The following PHF20 variants were observed in gnomAD, a reference collection of about 807,000 sequenced individuals.
PHF20 encodes the protein PHD finger protein 20, also known as glioma-expressed antigen 2.
A neutral mutation model predicts 113.5 loss-of-function variants in PHF20; 23 were observed. The ratio of observed to expected loss-of-function variants is 0.20; its 90% CI spans 0.15 to 0.29. The LOEUF is 0.29. Ranked by LOEUF, PHF20 falls within the 10% of genes least tolerant of loss-of-function variation. The pLI is 1.00. For missense variants in PHF20, 943 were observed against 1,219.6 expected, an observed-to-expected ratio of 0.77 and a Z score of 3.38; for synonymous variants, 434 against 457.3, an observed-to-expected ratio of 0.95 and a Z score of 0.65.
intron 6 of PHF20, among the ~76,000 whole-genome samples, chr20:35,866,321 T>G (rs1449828904): frequency 1.3e-5 from 2 of 152,234 alleles, no homozygotes; most frequent in African/African-American, 4.8e-5. Flanking sequence ...AACTGAGTTT[T>G]GGGAGAGAAG....
chr20:35,830,129 G>A (rs982004835), intron 2 of PHF20, among the ~76,000 whole-genome samples: 1 of 151,738 alleles, frequency 6.6e-6, no homozygotes, highest in Non-Finnish European at 1.5e-5. Flanking sequence ...GCCCAGGCTG[G>A]TCTCAAACTC....
intron 4 of PHF20, chr20:35,850,811 GT>G: frequency 1.0e-6 from 1 of 1,004,000 alleles, no homozygotes; most frequent in Non-Finnish European, 1.5e-6. Context: ...TACCATATTT[GT>G]TATGAAAATC....
At chr20:35,926,959 G>A (rs758253409) in intron 13 of PHF20, among the ~76,000 whole-genome samples, 7 of 152,128 alleles carry the variant, frequency 4.6e-5, no homozygotes, top group African/African-American at 1.4e-4. Flanking sequence ...TCGGGAGTTC[G>A]CCTTTCCTTT....
chr20:35,933,487 C>G (rs530685065), intron 15 of PHF20, among the ~76,000 whole-genome samples: 1 of 152,078 alleles, frequency 6.6e-6, no homozygotes, highest in African/African-American at 2.4e-5. Flanking sequence ...AGCTCTGCCT[C>G]CTGGGTTCAC....
chr20:35,832,653 G>A (rs747940256), intron 2 of PHF20, among the ~76,000 whole-genome samples: 1 of 152,162 alleles, frequency 6.6e-6, no homozygotes, highest in Non-Finnish European at 1.5e-5. Context: ...AGCATACTCG[G>A]TATGGGAAGG....
At position 35,939,041 on chromosome 20, in the gene PHF20, G is replaced by T. The variant is rs1350521745; in HGVS notation, c.2645G>T (p.Arg882Leu). Residue 882 changes from arginine to leucine, a missense_variant, in exon 16 of 18, where the codon CGC becomes CTC. By Grantham distance (102) the Arg-to-Leu change is moderately radical (BLOSUM62 -2). Transcript: ENST00000374012. ...AACGGCGATGATTCCCTTTCCCCGC[G>T]CCTGGGCTGGCCTCTAGACCAAGAC... The part of the protein sequence containing the change: ...HENGDDSLSP[R>L]LGWPLDQDRS... The T allele has an allele frequency of 6.2e-7, 1 of 1,614,154 alleles. No individual in the cohort carries two copies. Among genetic ancestry groups the T allele is most frequent in the East Asian group, 2.2e-5 (1 of 44,884 alleles).
intron 3 of PHF20, chr20:35,845,370 T>A (rs1481618880): frequency 1.0e-5 from 4 of 388,022 alleles, no homozygotes; most frequent in East Asian, 7.9e-5. Flanking sequence ...CATCTTTTTT[T>A]GTTTTTTTTT....
chr20:35,915,050 TTA>T (rs535682761), intron 12 of PHF20, among the ~76,000 whole-genome samples: 221 of 145,666 alleles, frequency 1.5e-3, no homozygotes, highest in African/African-American at 4.8e-3. Flanking sequence ...GTAAAATGTT[TTA>T]TATATATATA....
At chr20:35,801,709 C>T (rs2041785017) in intron 2 of PHF20, 104 bp downstream of exon 2, 5 of 691,926 alleles carry the variant, frequency 7.2e-6, no homozygotes, top group Non-Finnish European at 1.3e-5. Context: ...TTTCTACTTC[C>T]TGACTCTTGG....
At chr20:35,918,672 AG>A (rs2147093225) in intron 13 of PHF20, among the ~76,000 whole-genome samples, 1 of 152,324 alleles carries the variant, frequency 6.6e-6, no homozygotes, top group African/African-American at 2.4e-5. Flanking sequence ...AATTTAGATC[AG>A]ATATTAGTTT....
At position 35,896,640 on chromosome 20, in the gene PHF20, T is replaced by C. The variant is rs73618538; in HGVS notation, c.1283-2730T>C. Reference sequence around the variant, plus strand: ...AGGCTGGACCAGTCTCTACTAAAGCTATGAAAAAAAAAAAACTGGACGTGG... The same window carrying C: ...AGGCTGGACCAGTCTCTACTAAAGCCATGAAAAAAAAAAAACTGGACGTGG... On this transcript the variant is annotated intron_variant, in intron 9 of 17. Coordinates refer to ENST00000374012, the MANE Select transcript of PHF20 (RefSeq NM_016436.5). Among the ~76,000 whole-genome samples the C allele has an allele frequency of 3.2e-3, 468 of 147,240 alleles. 3 individuals are homozygous for C. The East Asian group carries it at 0.039, about 12-fold the overall frequency.
chr20:35,819,247 C>A (rs2042127475), intron 2 of PHF20, among the ~76,000 whole-genome samples: 1 of 152,088 alleles, frequency 6.6e-6, no homozygotes, highest in Non-Finnish European at 1.5e-5. Context: ...TCCCTATTTG[C>A]TTCCTGCGTT....
intron 4 of PHF20, among the ~76,000 whole-genome samples, chr20:35,852,848 C>T (rs1414908300): frequency 6.6e-6 from 1 of 151,320 alleles, no homozygotes; most frequent in Admixed American, 6.6e-5. Context: ...CCACCCGCGT[C>T]GGTCTCCCAA....
At chr20:35,788,707 A>G (rs2041477015) in intron 1 of PHF20, among the ~76,000 whole-genome samples, 1 of 152,052 alleles carries the variant, frequency 6.6e-6, no homozygotes, top group African/African-American at 2.4e-5. Context: ...CCTCCTGAGT[A>G]GCTGGGATTA....
At chr20:35,845,527 G>A in intron 3 of PHF20, 1 of 170,666 alleles carries the variant, frequency 5.9e-6, no homozygotes, top group East Asian at 1.7e-4. Flanking sequence ...CACTGTGCCT[G>A]ACTAATTAAA....
chr20:35,776,218 A>T (rs2041172028), intron 1 of PHF20, among the ~76,000 whole-genome samples: 1 of 152,166 alleles, frequency 6.6e-6, no homozygotes, highest in Non-Finnish European at 1.5e-5. Flanking sequence ...CTGGTTCCTC[A>T]TCCTACCATG....
intron 4 of PHF20, among the ~76,000 whole-genome samples, chr20:35,853,789 C>T (rs1047277306): frequency 6.7e-6 from 1 of 149,350 alleles, no homozygotes; most frequent in African/African-American, 2.5e-5. Context: ...GAGTCTTGCT[C>T]TGTTGCCCAG....
intron 4 of PHF20, among the ~76,000 whole-genome samples, chr20:35,857,936 A>G (rs1027173133): frequency 3.9e-5 from 6 of 152,216 alleles, no homozygotes; most frequent in East Asian, 1.9e-4. Flanking sequence ...AGATTAAATT[A>G]TAAAAGTGAA....
intron 13 of PHF20, among the ~76,000 whole-genome samples, chr20:35,921,242 G>A (rs1231177114): frequency 2.0e-5 from 3 of 151,998 alleles, no homozygotes; most frequent in African/African-American, 7.3e-5. Context: ...ACATAATACT[G>A]AGCTATCCTA....
Sources: allele counts gnomAD v4.1 joint callset (sites outside exome capture counted in the v4.1 genomes callset), GRCh38; gene constraint gnomAD v4.1.1; transcripts MANE v1.5; gene names NCBI Gene and HGNC (gene_info 2026-07-23, HGNC 2026-07-21).